Variants in TSPAN18 observed in about 807,000 individuals in gnomAD.
TSPAN18 encodes the protein tetraspanin 18, also known as tetraspanin-18.
A neutral mutation model predicts 27.3 loss-of-function variants in TSPAN18; 14 were observed. That is an observed-to-expected ratio of 0.51 (90% confidence interval 0.34 to 0.80). The LOEUF is 0.80. TSPAN18 is among the 30% of genes least tolerant of loss of function. TSPAN18 has a pLI of 0.01. For synonymous variants in TSPAN18, 143 were observed against 136.5 expected, an observed-to-expected ratio of 1.05 and a Z score of -0.33; for missense variants, 268 against 323.9, an observed-to-expected ratio of 0.83 and a Z score of 1.32.
chr11:44,906,027 G>T (rs1322319496), intron 3 of TSPAN18, among the ~76,000 whole-genome samples: 2 of 152,236 alleles, frequency 1.3e-5, no homozygotes, highest in African/African-American at 2.4e-5. Context: ...ACCTGCAGTA[G>T]AGCAACAACG....
chr11:44,790,166 CATGT>C (rs1856161324), intron 2 of TSPAN18, among the ~76,000 whole-genome samples: 1 of 148,384 alleles, frequency 6.7e-6, no homozygotes, highest in Non-Finnish European at 1.5e-5. Flanking sequence ...TGTGTGTGTG[CATGT>C]GTGTGTGTGC....
intron 2 of TSPAN18, among the ~76,000 whole-genome samples, chr11:44,852,923 T>A (rs1054675704): frequency 2.0e-5 from 3 of 152,192 alleles, no homozygotes; most frequent in Non-Finnish European, 4.4e-5. Flanking sequence ...CCATTCCAAC[T>A]TGGAAGGCAC....
intron 3 of TSPAN18, among the ~76,000 whole-genome samples, chr11:44,901,753 G>A (rs899699921): frequency 6.6e-6 from 1 of 152,250 alleles, no homozygotes; most frequent in East Asian, 1.9e-4. Context: ...CCTGGATCAG[G>A]TAGAGCACAG....
chr11:44,788,986 A>C (rs1389159111), intron 2 of TSPAN18, among the ~76,000 whole-genome samples: 2 of 152,212 alleles, frequency 1.3e-5, no homozygotes, highest in East Asian at 1.9e-4. Flanking sequence ...TGGGCTCGGC[A>C]TGTGGAGAAA....
At chr11:44,928,496 CTG>C (rs1197520789) in intron 9 of TSPAN18, among the ~76,000 whole-genome samples, 1 of 152,156 alleles carries the variant, frequency 6.6e-6, no homozygotes, top group Non-Finnish European at 1.5e-5. Flanking sequence ...GCACTTAAAA[CTG>C]TTCCTTGGCT....
intron 2 of TSPAN18, among the ~76,000 whole-genome samples, chr11:44,819,201 G>T (rs1321013497): frequency 6.6e-6 from 1 of 152,102 alleles, no homozygotes; most frequent in African/African-American, 2.4e-5. Flanking sequence ...CTTGCCTTTG[G>T]CCAGGGATTG....
rs143132365 is a variant in TSPAN18 at position 44,813,401 on chromosome 11, T to C, written c.-152-46927T>C. 2.0e-5 allele frequency among the ~76,000 whole-genome samples: 3 copies of C among 152,332 alleles called. No homozygotes were observed. In the East Asian group the frequency reaches 5.8e-4, roughly 29 times the overall value. On this transcript the variant is annotated intron_variant, in intron 2 of 9. Transcript: ENST00000520358. ...GGAAAGTGGGAATCATGATACTTCT[T>C]GCATTTGTGGGGTTAAAACGATGTA...
At chr11:44,745,792 C>T (rs536022023) in intron 1 of TSPAN18, among the ~76,000 whole-genome samples, 1 of 152,334 alleles carries the variant, frequency 6.6e-6, no homozygotes, top group South Asian at 2.1e-4. Flanking sequence ...CTTTGGGAGG[C>T]CGAGGCGGGT....
chr11:44,883,641 C>T (rs1858556434), intron 3 of TSPAN18, among the ~76,000 whole-genome samples: 1 of 152,222 alleles, frequency 6.6e-6, no homozygotes, highest in Admixed American at 6.5e-5. Flanking sequence ...AAGTAACTTG[C>T]TCAACATCAG....
chr11:44,740,139 G>A (rs1854898019), intron 1 of TSPAN18, among the ~76,000 whole-genome samples: 2 of 152,146 alleles, frequency 1.3e-5, no homozygotes, highest in South Asian at 2.1e-4. Flanking sequence ...ATCTCTGCCC[G>A]CCCCTTGCCT....
chr11:44,864,228 A>G (rs1354247036), intron 3 of TSPAN18, among the ~76,000 whole-genome samples: 1 of 143,182 alleles, frequency 7.0e-6, no homozygotes, highest in Non-Finnish European at 1.5e-5. Flanking sequence ...CAGAGGTTGC[A>G]GTGAGCCAAG....
intron 2 of TSPAN18, among the ~76,000 whole-genome samples, chr11:44,829,677 T>A (rs893926728): frequency 4.6e-5 from 7 of 152,192 alleles, no homozygotes; most frequent in Non-Finnish European, 1.0e-4. Context: ...ATACAAATTT[T>A]CACCTCATTT....
chr11:44,818,174 G>A (rs1164837918), intron 2 of TSPAN18, among the ~76,000 whole-genome samples: 3 of 152,248 alleles, frequency 2.0e-5, no homozygotes, highest in Admixed American at 1.3e-4. Context: ...AAATGGCTAG[G>A]TGGGTGATGT....
intron 2 of TSPAN18, among the ~76,000 whole-genome samples, chr11:44,790,299 G>C (rs1317898205): frequency 6.6e-6 from 1 of 151,724 alleles, no homozygotes; most frequent in Non-Finnish European, 1.5e-5. Flanking sequence ...ATGTGCATGT[G>C]TGTGTGCATG....
At chr11:44,913,088 T>C (rs533442850) in intron 5 of TSPAN18, among the ~76,000 whole-genome samples, 19 of 152,220 alleles carry the variant, frequency 1.2e-4, no homozygotes, top group Non-Finnish European at 2.4e-4. Flanking sequence ...GAAGAGGGCA[T>C]GGAGCCTCAC....
chr11:44,826,260 T>A (rs1857041138), intron 2 of TSPAN18, among the ~76,000 whole-genome samples: 1 of 152,092 alleles, frequency 6.6e-6, no homozygotes, highest in Non-Finnish European at 1.5e-5. Flanking sequence ...CCGTCTCTAC[T>A]AAAAATACAA....
chr11:44,919,970 C>T lies in TSPAN18; in HGVS notation c.586C>T (p.Leu196=), dbSNP rs578204250. 6 of 1,613,878 alleles carry T rather than the reference C, an allele frequency of 3.7e-6. No individual in the cohort carries two copies. In the South Asian group the frequency reaches 5.5e-5, roughly 15 times the overall value. The change falls in exon 8 of 10, where the codon CTG becomes TTG. Residue 196 remains leucine (L), a synonymous_variant. Transcript: ENST00000520358. ...GVLLSREECL[L]GRSLFLNKQG... is the part of the protein sequence containing the mutation. ...CCTGCTGAGCCGGGAGGAGTGCCTC[C>T]TGGGAAGGAGCCTATTCCTAAACAA...
At chr11:44,742,716 C>T (rs191407575) in intron 1 of TSPAN18, among the ~76,000 whole-genome samples, 93 of 152,324 alleles carry the variant, frequency 6.1e-4, no homozygotes, top group African/African-American at 2.1e-3. Flanking sequence ...TGGAGGAGCC[C>T]CTGCCCCCAG....
chr11:44,879,748 C>G (rs992941588), intron 3 of TSPAN18, among the ~76,000 whole-genome samples: 49 of 152,216 alleles, frequency 3.2e-4, no homozygotes, highest in Non-Finnish European at 5.6e-4. Flanking sequence ...AAGTAAATGA[C>G]AGCATGGGGG....
Sources: gnomAD v4.1 joint callset for allele counts (sites outside exome capture counted in the v4.1 genomes callset) on GRCh38, gnomAD v4.1.1 for gene constraint, MANE v1.5 for transcripts, NCBI Gene and HGNC (gene_info 2026-07-23, HGNC 2026-07-21) for gene names.